Variants in ZC3H12D observed in about 807,000 individuals in gnomAD.
ZC3H12D encodes the protein probable ribonuclease ZC3H12D.
In ZC3H12D, 11 loss-of-function variants were observed where a neutral mutation model predicts 24.2. The observed-to-expected ratio is 0.46, with a 90% CI of 0.29 to 0.75. The LOEUF is 0.75. Among genes scored for constraint, ZC3H12D ranks in the 30% least tolerant of loss-of-function variants. The probability of loss-of-function intolerance (pLI) is 0.11; values close to 1 mark genes in which losing one functional copy is unlikely to be tolerated. For missense variants in ZC3H12D, 740 were observed against 767.7 expected (o/e 0.96, Z 0.43); for synonymous variants, 333 against 341.8 (o/e 0.97, Z 0.28).
intron 3 of ZC3H12D, among the ~76,000 whole-genome samples, chr6:149,458,128 C>CTTTTTTTTTTTCTTTTCT (rs1776015935): frequency 2.5e-5 from 1 of 39,756 alleles, no homozygotes. Context: ...TTTTTCGTTT[C>CTTTTTTTTTTTCTTTTCT]TTTTTTTTTT....
intron 2 of ZC3H12D, 115 bp from the exon 3 acceptor site, chr6:149,462,085 T>C (rs399673): frequency 0.55 from 733,880 of 1,339,534 alleles, 208,926 homozygotes; most frequent in African/African-American, 0.91. Context: ...GGAAAATCTA[T>C]GTTTTAGGCC....
intron 1 of ZC3H12D, among the ~76,000 whole-genome samples, chr6:149,481,110 G>A (rs1392881004): frequency 6.6e-6 from 1 of 151,794 alleles, no homozygotes; most frequent in African/African-American, 2.4e-5. Context: ...TTCCAGTCAG[G>A]CTCTTCGCTC....
chr6:149,475,307 A>T (rs1776317857), intron 1 of ZC3H12D, among the ~76,000 whole-genome samples: 1 of 152,208 alleles, frequency 6.6e-6, no homozygotes, highest in Admixed American at 6.5e-5. Context: ...CCAGGGCCAA[A>T]TGCCCCCGGG....
intron 2 of ZC3H12D, among the ~76,000 whole-genome samples, chr6:149,473,784 T>C (rs1776286359): frequency 6.6e-6 from 1 of 152,114 alleles, no homozygotes; most frequent in Admixed American, 6.5e-5. Context: ...TGGGCCTCTT[T>C]CACAGAAGAG....
Position 149,450,394 on chromosome 6 carries a change from T to A in ZC3H12D, c.*289A>T, listed in dbSNP as rs933109303. The A allele has an allele frequency of 2.1e-5, 8 of 387,302 alleles. No homozygotes were observed. The highest frequency in any genetic ancestry group is 2.8e-5 in the Non-Finnish European group (6 of 215,802). The allele number at this position is 387,302 out of a possible 1,614,324, so 24.0% of individuals were successfully genotyped here. A position where few individuals can be genotyped will look rare whatever the true frequency, so the allele number is the denominator to read the frequency against. ...CTAAATTGATTTTGTGACCCACTTG[T>A]GGGTTCTACTGCAGCTTGGACCCGC... On this transcript the variant is annotated 3_prime_UTR_variant, in exon 6 of 6. Coordinates refer to ENST00000409806, the MANE Select transcript of ZC3H12D (RefSeq NM_207360.3).
At chr6:149,457,538 C>T (rs1776003774) in intron 3 of ZC3H12D, among the ~76,000 whole-genome samples, 1 of 152,200 alleles carries the variant, frequency 6.6e-6, no homozygotes, top group Non-Finnish European at 1.5e-5. Context: ...TACTTCACCC[C>T]GGTTGAATGT....
chr6:149,465,754 CA>C (rs71545106), intron 2 of ZC3H12D, among the ~76,000 whole-genome samples: 2,563 of 71,030 alleles, frequency 0.036, 69 homozygotes, highest in African/African-American at 0.15. Context: ...GACGCCATCT[CA>C]AAAAAAAAAA....
chr6:149,463,029 G>A (rs182647580), intron 2 of ZC3H12D, among the ~76,000 whole-genome samples: 17 of 152,236 alleles, frequency 1.1e-4, no homozygotes, highest in South Asian at 1.0e-3. Flanking sequence ...TATACATGTA[G>A]CCTATTAGTT....
At chr6:149,482,209 T>G (rs887590680) in intron 1 of ZC3H12D, among the ~76,000 whole-genome samples, 1 of 152,356 alleles carries the variant, frequency 6.6e-6, no homozygotes, top group South Asian at 2.1e-4. Flanking sequence ...TCAACTTGGT[T>G]CCTTTTTAAA....
At chr6:149,457,424 T>C (rs1776001896) in intron 3 of ZC3H12D, among the ~76,000 whole-genome samples, 2 of 152,192 alleles carry the variant, frequency 1.3e-5, no homozygotes, top group Non-Finnish European at 2.9e-5. Context: ...ACCTTTGGGA[T>C]GGAGCACCCC....
At chr6:149,484,612 T>C (rs1463809847) in intron 1 of ZC3H12D, among the ~76,000 whole-genome samples, 2 of 152,224 alleles carry the variant, frequency 1.3e-5, no homozygotes, top group East Asian at 1.9e-4. Flanking sequence ...AAGAGGGTTA[T>C]CTTATTTTTT....
At chr6:149,460,418 G>A (rs1159311451) in intron 3 of ZC3H12D, among the ~76,000 whole-genome samples, 4 of 152,226 alleles carry the variant, frequency 2.6e-5, no homozygotes, top group Non-Finnish European at 5.9e-5. Context: ...TGTTCTGACC[G>A]TGCCTGGTGG....
rs911495743 is a variant in ZC3H12D at position 149,456,530 on chromosome 6, G to T, written c.680+136C>A. ...ACGTGCCCGCCGAGAATGCGGACCT[G>T]GGGGAGCTCTGTCTGAGGGGCTGGG... On this transcript the variant is annotated intron_variant, in intron 4 of 5. Transcript: ENST00000409806. The surrounding 1 kb of genome is among the most constrained non-coding windows in gnomAD (Gnocchi z 4.3). 27 of 731,676 alleles carry T rather than the reference G, an allele frequency of 3.7e-5. No individual in the cohort carries two copies. The highest frequency in any genetic ancestry group is 2.3e-4 in the Admixed American group (9 of 38,918). The allele number at this position is 731,676 out of a possible 1,614,324, so 45.3% of individuals were successfully genotyped here. A position where few individuals can be genotyped will look rare whatever the true frequency, so the allele number is the denominator to read the frequency against.
At chr6:149,466,595 T>C (rs1269273288) in intron 2 of ZC3H12D, among the ~76,000 whole-genome samples, 1 of 151,888 alleles carries the variant, frequency 6.6e-6, no homozygotes, top group African/African-American at 2.4e-5. Flanking sequence ...ACTTGTTTCT[T>C]GGCTGGGTGC....
chr6:149,453,965 C>T (rs550875019), intron 4 of ZC3H12D, among the ~76,000 whole-genome samples: 113 of 152,278 alleles, frequency 7.4e-4, no homozygotes, highest in African/African-American at 2.4e-3. Flanking sequence ...TGTTTCACCC[C>T]GTGCCAAACA....
chr6:149,457,293 G>A (rs1418611187), intron 3 of ZC3H12D, among the ~76,000 whole-genome samples: 2 of 152,182 alleles, frequency 1.3e-5, no homozygotes, highest in African/African-American at 4.8e-5. Context: ...TATTAACCCG[G>A]ACCTTGATGA....
chr6:149,467,462 C>G (rs867754311), intron 2 of ZC3H12D, among the ~76,000 whole-genome samples: 21 of 152,142 alleles, frequency 1.4e-4, no homozygotes, highest in Admixed American at 1.1e-3. Context: ...CTATGTTGCC[C>G]AGGCCGGTCT....
intron 1 of ZC3H12D, among the ~76,000 whole-genome samples, chr6:149,480,106 C>T (rs1776401761): frequency 6.6e-6 from 1 of 152,182 alleles, no homozygotes; most frequent in Non-Finnish European, 1.5e-5. Flanking sequence ...ACATTTGCCG[C>T]TCACTGACTC....
At chr6:149,463,925 G>A (rs113965544) in intron 2 of ZC3H12D, among the ~76,000 whole-genome samples, 1 of 152,192 alleles carries the variant, frequency 6.6e-6, no homozygotes, top group African/African-American at 2.4e-5. Context: ...CAGGGTTAGA[G>A]GGAAAGATCA....
Sources: allele counts gnomAD v4.1 joint callset (sites outside exome capture counted in the v4.1 genomes callset), GRCh38; gene constraint gnomAD v4.1.1; non-coding constraint Gnocchi (gnomAD v3.1); transcripts MANE v1.5; gene names NCBI Gene and HGNC (gene_info 2026-07-23, HGNC 2026-07-21).